Variants in TNFRSF11A observed in about 807,000 individuals in gnomAD.
TNFRSF11A encodes tumor necrosis factor receptor superfamily member 11A.
Under a neutral mutation model 55.7 loss-of-function variants are expected in TNFRSF11A, and 32 were observed. That is an observed-to-expected ratio of 0.57 (90% CI 0.43 to 0.77). The LOEUF (loss-of-function observed/expected upper bound fraction) is 0.77, where lower values mean the gene tolerates loss of function less well. Among genes scored for constraint, TNFRSF11A ranks in the 30% least tolerant of loss-of-function variants. The pLI is 0.00. For missense variants in TNFRSF11A, 753 were observed against 809.8 expected (o/e 0.93, Z 0.85); for synonymous variants, 311 against 331.0 (o/e 0.94, Z 0.65).
At chr18:62,350,033 T>C in intron 3 of TNFRSF11A, 96 bp downstream of exon 3, 1 of 1,548,702 alleles carries the variant, frequency 6.5e-7, no homozygotes, top group Non-Finnish European at 8.8e-7. Flanking sequence ...TGATGTTTCG[T>C]TTCAGGAACA....
chr18:62,384,254 G>A (rs1164582972), intron 9 of TNFRSF11A, among the ~76,000 whole-genome samples: 2 of 148,826 alleles, frequency 1.3e-5, no homozygotes, highest in Admixed American at 6.7e-5. Flanking sequence ...CTCCTTTTCT[G>A]TTCCTCCTCT....
chr18:62,359,264 G>A (rs1419098568), intron 5 of TNFRSF11A, among the ~76,000 whole-genome samples: 1 of 151,982 alleles, frequency 6.6e-6, no homozygotes, highest in African/African-American at 2.4e-5. Flanking sequence ...ATAAATAAAT[G>A]TTTATTTTCT....
intron 9 of TNFRSF11A, among the ~76,000 whole-genome samples, chr18:62,375,078 TG>T (rs1910798466): frequency 1.6e-5 from 1 of 61,922 alleles, no homozygotes; most frequent in Admixed American, 1.9e-4. Flanking sequence ...CTAATTTTTG[TG>T]TGTGTGTTTT....
chr18:62,343,932 C>T (rs751397952), intron 1 of TNFRSF11A, among the ~76,000 whole-genome samples: 12 of 152,176 alleles, frequency 7.9e-5, no homozygotes, highest in Non-Finnish European at 1.5e-4. Flanking sequence ...ATATTTTCAG[C>T]TTATTGATTA....
chr18:62,379,197 T>C (rs1911098220), intron 9 of TNFRSF11A, among the ~76,000 whole-genome samples: 1 of 152,206 alleles, frequency 6.6e-6, no homozygotes, highest in African/African-American at 2.4e-5. Flanking sequence ...ATGGAGAGTG[T>C]TGCTTCTGTT....
At chr18:62,332,719 G>A (rs921717522) in intron 1 of TNFRSF11A, among the ~76,000 whole-genome samples, 1 of 151,864 alleles carries the variant, frequency 6.6e-6, no homozygotes, top group Non-Finnish European at 1.5e-5. Flanking sequence ...TAACCTCTTT[G>A]TAAACTTTTT....
Position 62,368,632 on chromosome 18 carries a change from A to G in TNFRSF11A, c.784-69A>G, listed in dbSNP as rs201372520. The G allele has an allele frequency of 2.0e-6, 3 of 1,505,928 alleles. No homozygotes were observed. The East Asian group carries it at 6.8e-5, about 34-fold the overall frequency. The allele number at this position is 1,505,928 out of a possible 1,614,324, so 93.3% of individuals were successfully genotyped here. A position where few individuals can be genotyped will look rare whatever the true frequency, so the allele number is the denominator to read the frequency against. ...ATCAGTGTAAACACTGTTTTCAGCA[A>G]TGTTTAGCTAAACTTGTCCTAATAA... On this transcript the variant is annotated intron_variant, in intron 8 of 9. Transcript: ENST00000586569.
Position 62,325,419 on chromosome 18 carries a change from C to T in TNFRSF11A, c.67C>T (p.Arg23Trp), listed in dbSNP as rs2046057280. The T allele has an allele frequency of 1.6e-6, 2 of 1,258,020 alleles. No homozygotes were observed. Among genetic ancestry groups the T allele is most frequent in the South Asian group, 3.5e-5 (2 of 57,128 alleles). 77.9% of individuals were successfully genotyped at this position (1,258,020 alleles called of 1,614,324 possible). Residue 23 changes from arginine to tryptophan, a missense_variant, in exon 1 of 10, where the codon CGG becomes TGG. By Grantham distance (101) the Arg-to-Trp change is moderately radical. Transcript: ENST00000586569. The surrounding 1 kb of genome is among the most constrained non-coding windows in gnomAD (Gnocchi z 4.7). ...GCTGCTGCTCTGCGCGCTGCTCGCC[C>T]GGCTGCAGGTAAGGAGCGCCCGCGC... ...ALLLLCALLA[R>W]LQVALQIAPP...
chr18:62,339,367 G>C (rs1187584481), intron 1 of TNFRSF11A, among the ~76,000 whole-genome samples: 4 of 152,118 alleles, frequency 2.6e-5, no homozygotes, highest in Non-Finnish European at 5.9e-5. Context: ...ACTTCCTCTT[G>C]TAAGTCCTTC....
chr18:62,343,525 T>C (rs2046342429), intron 1 of TNFRSF11A, among the ~76,000 whole-genome samples: 1 of 152,196 alleles, frequency 6.6e-6, no homozygotes, highest in South Asian at 2.1e-4. Flanking sequence ...TTTTCAGAAT[T>C]AGACTCAACA....
intron 9 of TNFRSF11A, among the ~76,000 whole-genome samples, chr18:62,376,376 G>A (rs941467712): frequency 1.3e-5 from 2 of 150,844 alleles, no homozygotes; most frequent in African/African-American, 4.9e-5. Flanking sequence ...CCGAGGAGAG[G>A]AGGCAAGAGG....
At chr18:62,329,052 A>G (rs993969421) in intron 1 of TNFRSF11A, among the ~76,000 whole-genome samples, 1 of 152,200 alleles carries the variant, frequency 6.6e-6, no homozygotes, top group Middle Eastern at 3.2e-3. Flanking sequence ...AAGAAGGGGT[A>G]GTGTGGACTT....
chr18:62,384,520 T>C (rs916024404), intron 9 of TNFRSF11A, among the ~76,000 whole-genome samples: 1 of 134,806 alleles, frequency 7.4e-6, no homozygotes, highest in Non-Finnish European at 1.6e-5. Flanking sequence ...TCTCTTCCTC[T>C]CCCCGCCTCT....
At chr18:62,372,651 C>T (rs530603710) in intron 9 of TNFRSF11A, among the ~76,000 whole-genome samples, 25 of 152,216 alleles carry the variant, frequency 1.6e-4, no homozygotes, top group Non-Finnish European at 3.1e-4. Flanking sequence ...ATCCTTGTTT[C>T]TCTCCCTCTC....
chr18:62,349,166 C>CTTTTTTTTTTTTTTTTTTTTTTT (rs35392545), intron 2 of TNFRSF11A, among the ~76,000 whole-genome samples: 1 of 143,322 alleles, frequency 7.0e-6, no homozygotes. Context: ...CATTCTATTC[C>CTTTTTTTTTTTTTTTTTTTTTTT]TTTTTTTTTT....
intron 1 of TNFRSF11A, among the ~76,000 whole-genome samples, chr18:62,331,118 C>T (rs1456950352): frequency 2.6e-5 from 4 of 152,070 alleles, no homozygotes; most frequent in Non-Finnish European, 5.9e-5. Flanking sequence ...GCAGGAGAAT[C>T]GCTTGTATCC....
chr18:62,348,165 C>T lies in TNFRSF11A; in HGVS notation c.76-3C>T. The T allele has an allele frequency of 6.2e-7, 1 of 1,611,858 alleles. No individual in the cohort carries two copies. The highest frequency in any genetic ancestry group is 8.5e-7 in the Non-Finnish European group (1 of 1,178,768). ...CTCTGCCTGACCTCAGTGTTCTTTT[C>T]AGGTGGCTTTGCAGATCGCTCCTCC... On this transcript the variant is annotated splice_region_variant and splice_polypyrimidine_tract_variant and intron_variant, in intron 1 of 9. Coordinates refer to ENST00000586569, the MANE Select transcript of TNFRSF11A (RefSeq NM_003839.4).
At chr18:62,358,776 A>G (rs953100566) in intron 5 of TNFRSF11A, among the ~76,000 whole-genome samples, 8 of 152,146 alleles carry the variant, frequency 5.3e-5, no homozygotes, top group South Asian at 4.1e-4. Flanking sequence ...TTTTTTTCAC[A>G]TATTATATCC....
chr18:62,327,843 C>A (rs2046097449), intron 1 of TNFRSF11A, among the ~76,000 whole-genome samples: 1 of 152,180 alleles, frequency 6.6e-6, no homozygotes, highest in Non-Finnish European at 1.5e-5. Context: ...TATATCTCTG[C>A]CTGCTTGTAT....
Sources: allele counts gnomAD v4.1 joint callset (sites outside exome capture counted in the v4.1 genomes callset), GRCh38; gene constraint gnomAD v4.1.1; non-coding constraint Gnocchi (gnomAD v3.1); transcripts MANE v1.5; gene names NCBI Gene and HGNC (gene_info 2026-07-23, HGNC 2026-07-21).